PDE8A: variants seen among roughly 807,000 people sequenced by gnomAD.
PDE8A encodes phosphodiesterase 8A.
PDE8A carries 59 observed loss-of-function variants against 105.0 expected under a neutral mutation model. The ratio of observed to expected loss-of-function variants is 0.56; its 90% CI spans 0.46 to 0.70. The LOEUF (loss-of-function observed/expected upper bound fraction) is 0.70, where lower values mean the gene tolerates loss of function less well. Among genes scored for constraint, PDE8A ranks in the 30% least tolerant of loss-of-function variants. The probability of loss-of-function intolerance (pLI) is 0.00; values close to 1 mark genes in which losing one functional copy is unlikely to be tolerated. For synonymous variants in PDE8A, 355 were observed against 371.9 expected, an observed-to-expected ratio of 0.95 and a Z score of 0.52; for missense variants, 1,014 against 1,045.9, an observed-to-expected ratio of 0.97 and a Z score of 0.42.
At chr15:85,106,929 T>C (rs1440290679) in intron 11 of PDE8A, among the ~76,000 whole-genome samples, 1 of 152,172 alleles carries the variant, frequency 6.6e-6, no homozygotes, top group Non-Finnish European at 1.5e-5. Context: ...TGTGTATTTA[T>C]TGAGCTTCTA....
At chr15:85,099,779 T>G (rs578252909) in intron 9 of PDE8A, 9 of 514,548 alleles carry the variant, frequency 1.7e-5, no homozygotes, top group African/African-American at 9.7e-5. Context: ...GATTGTCTCA[T>G]GATTAATTGG....
At chr15:85,126,648 ATTCT>A (rs2141636870) in intron 20 of PDE8A, among the ~76,000 whole-genome samples, 1 of 151,768 alleles carries the variant, frequency 6.6e-6, no homozygotes, top group South Asian at 2.1e-4. Context: ...TGGTCTTCAT[ATTCT>A]TTCTGAGTAG....
intron 1 of PDE8A, among the ~76,000 whole-genome samples, chr15:85,015,931 T>C (rs1036146568): frequency 6.6e-6 from 1 of 152,158 alleles, no homozygotes; most frequent in Non-Finnish European, 1.5e-5. Flanking sequence ...AGGCCAGGAA[T>C]TGGAGACCAG....
In PDE8A at chr15:85,100,172, A is replaced by C. The variant is rs1230204146; in HGVS notation, c.1010A>C (p.Glu337Ala). 6.2e-7 allele frequency: 1 copy of C among 1,613,786 alleles called. No individual in the cohort carries two copies. Among genetic ancestry groups the C allele is most frequent in the African/African-American group, 1.3e-5 (1 of 74,956 alleles). ...CACTTTTAGGCTGAGAAAATATCCG[A>C]ATGTGTTCAGTCTGACACTCATACA... ...NGNNKAEKIS[E>A]CVQSDTHTDN... The change falls in exon 11 of 22, where the codon GAA (glutamate) becomes GCA (alanine). Residue 337 changes from glutamate to alanine, a missense_variant. Transcript: ENST00000394553.
chr15:85,035,297 C>T (rs557615014), intron 1 of PDE8A, among the ~76,000 whole-genome samples: 1 of 146,902 alleles, frequency 6.8e-6, no homozygotes, highest in East Asian at 2.1e-4. Context: ...CAACCTCCGC[C>T]TACCAGGTTC....
At chr15:85,059,843 A>G (rs2081116858) in intron 1 of PDE8A, among the ~76,000 whole-genome samples, 1 of 152,156 alleles carries the variant, frequency 6.6e-6, no homozygotes, top group South Asian at 2.1e-4. Context: ...CTGTGTCTCT[A>G]CAAAACATTT....
chr15:84,986,909 C>T (rs1311585074), intron 1 of PDE8A, among the ~76,000 whole-genome samples: 3 of 152,148 alleles, frequency 2.0e-5, no homozygotes, highest in Admixed American at 2.0e-4. Context: ...GTTACTGTGC[C>T]CAACTGATTA....
intron 21 of PDE8A, 33 bp downstream of exon 21, chr15:85,136,696 C>T: frequency 6.2e-7 from 1 of 1,600,264 alleles, no homozygotes; most frequent in South Asian, 1.1e-5. Flanking sequence ...GCATATTTTC[C>T]TCTAAATAAT....
chr15:85,135,813 C>T (rs1422466357), intron 20 of PDE8A, among the ~76,000 whole-genome samples: 1 of 151,948 alleles, frequency 6.6e-6, no homozygotes, highest in Non-Finnish European at 1.5e-5. Context: ...TCTCTGAAAT[C>T]CTGAAGATGT....
rs374579663 is a variant in PDE8A, at chr15:85,032,414, G to T, written c.187-31956G>T. On this transcript the variant is annotated intron_variant, in intron 1 of 21. Coordinates refer to ENST00000394553, the MANE Select transcript of PDE8A (RefSeq NM_002605.3). ...GAAAATACAGTGTATTTATTATACT[G>T]GGAACAAAGGTCATGGAAACAGTAA... Among the ~76,000 whole-genome samples the T allele has an allele frequency of 3.9e-5, 6 of 152,230 alleles. No homozygotes were observed. In the East Asian group the frequency reaches 9.6e-4, roughly 24 times the overall value.
At chr15:85,112,596 G>A (rs557924088) in intron 12 of PDE8A, among the ~76,000 whole-genome samples, 10 of 152,290 alleles carry the variant, frequency 6.6e-5, no homozygotes, top group South Asian at 2.1e-4. Context: ...AACTTTGGAC[G>A]GTGTCTCTCC....
At chr15:85,068,443 G>A (rs1157804239) in intron 3 of PDE8A, among the ~76,000 whole-genome samples, 1 of 152,184 alleles carries the variant, frequency 6.6e-6, no homozygotes, top group Non-Finnish European at 1.5e-5. Flanking sequence ...CCAGGAAAAA[G>A]GGAGGTCCAG....
rs2082035171 is a variant in PDE8A, at chr15:85,112,497, G to A, written c.1115-880G>A. Among the ~76,000 whole-genome samples, 3 of 152,154 alleles carry A rather than the reference G, an allele frequency of 2.0e-5. No homozygotes were observed. In the South Asian group the frequency reaches 6.2e-4, roughly 32 times the overall value. On this transcript the variant is annotated intron_variant, in intron 12 of 21. Transcript: ENST00000394553. ...GTTTAATGACCTTGTTGGGTAAAAT[G>A]GAAAGTTGGCAATCCTATAATCACC...
intron 1 of PDE8A, among the ~76,000 whole-genome samples, chr15:85,046,431 T>G (rs1381974939): frequency 8.5e-5 from 13 of 152,328 alleles, no homozygotes; most frequent in African/African-American, 3.1e-4. Flanking sequence ...CATATATTTA[T>G]GTAATAAGCT....
intron 20 of PDE8A, among the ~76,000 whole-genome samples, chr15:85,127,041 TAA>T (rs976061355): frequency 1.3e-5 from 2 of 151,942 alleles, no homozygotes; most frequent in Non-Finnish European, 2.9e-5. Context: ...ACAAAAAAAT[TAA>T]AAGTTAGCCG....
At chr15:84,982,989 A>G (rs2079743893) in intron 1 of PDE8A, among the ~76,000 whole-genome samples, 1 of 152,238 alleles carries the variant, frequency 6.6e-6, no homozygotes, top group Admixed American at 6.5e-5. Context: ...CATTCAGCAG[A>G]ACAAAGTTAA....
chr15:85,078,155 A>AG (rs1429852170), intron 5 of PDE8A, among the ~76,000 whole-genome samples: 4 of 151,968 alleles, frequency 2.6e-5, no homozygotes, highest in South Asian at 4.1e-4. Flanking sequence ...CAAAAAAAAA[A>AG]AAAAAGAAAA....
rs142778101 is a variant in PDE8A at position 85,087,179 on chromosome 15, A to G, written c.636-2159A>G. ...TTTAGTGAGACAGTTTAGTAATACC[A>G]GCAATAATGTAAAGGCATTGTTTTT... is the stretch of plus-strand genomic sequence containing the variant. On this transcript the variant is annotated intron_variant, in intron 6 of 21. Coordinates refer to ENST00000394553, the MANE Select transcript of PDE8A (RefSeq NM_002605.3). Among the ~76,000 whole-genome samples the G allele has an allele frequency of 1.1e-3, 171 of 151,910 alleles. 2 individuals are homozygous for G. The highest frequency in any genetic ancestry group is 3.2e-3 in the Admixed American group (49 of 15,236).
chr15:85,036,851 T>G (rs958166542), intron 1 of PDE8A, among the ~76,000 whole-genome samples: 2 of 152,050 alleles, frequency 1.3e-5, no homozygotes, highest in African/African-American at 4.8e-5. Flanking sequence ...GAAGTCGTCT[T>G]CTAACAGCAC....
Sources: allele counts gnomAD v4.1 joint callset (sites outside exome capture counted in the v4.1 genomes callset), GRCh38; gene constraint gnomAD v4.1.1; transcripts MANE v1.5; gene names NCBI Gene and HGNC (gene_info 2026-07-23, HGNC 2026-07-21).